CHCHD6: variants seen among roughly 807,000 people sequenced by gnomAD.
CHCHD6 encodes coiled-coil-helix-coiled-coil-helix domain containing 6, also known as MICOS complex subunit MIC25.
Under a neutral mutation model 32.3 loss-of-function variants are expected in CHCHD6, and 28 were observed. The ratio of observed to expected loss-of-function variants is 0.87; its 90% confidence interval spans 0.64 to 1.19. The LOEUF (loss-of-function observed/expected upper bound fraction) is 1.19. Ranked by LOEUF, CHCHD6 falls within the 50% of genes most tolerant of loss-of-function variation. The pLI is 0.00. For missense variants in CHCHD6, 333 were observed against 307.0 expected (o/e 1.08, Z -0.63); for synonymous variants, 122 against 117.5 (o/e 1.04, Z -0.25).
At position 126,824,560 on chromosome 3, in the gene CHCHD6, C is replaced by CAAAAAAAAAAAAAAA. The variant is rs71150454; in HGVS notation, c.412-28080_412-28066dup. ...TAGGTGATAGAGCAAGACTCTGTCTCAAAAAAAAAAAAAAAAAAAAAGTCA... is the reference window on the plus strand; with the variant it reads ...TAGGTGATAGAGCAAGACTCTGTCTCAAAAAAAAAAAAAAAAAAAAAAAAAAAAAAAAAAAAGTCA... On this transcript the variant is annotated intron_variant, in intron 4 of 7. Transcript: ENST00000290913. Among the ~76,000 whole-genome samples the CAAAAAAAAAAAAAAA allele has an allele frequency of 1.6e-3, 64 of 39,994 alleles. 13 individuals are homozygous for CAAAAAAAAAAAAAAA. The highest frequency in any genetic ancestry group is 6.2e-3 in the East Asian group (6 of 962). 26.2% of individuals were successfully genotyped at this position (39,994 alleles called of 152,430 possible).
chr3:126,845,113 C>T (rs116506709), intron 4 of CHCHD6, among the ~76,000 whole-genome samples: 1,551 of 152,270 alleles, frequency 0.01, 28 homozygotes, highest in African/African-American at 0.035. Context: ...TAATTTCATA[C>T]CATAGCAACA....
chr3:126,812,275 C>T (rs1173008807), intron 4 of CHCHD6, among the ~76,000 whole-genome samples: 1 of 146,466 alleles, frequency 6.8e-6, no homozygotes, highest in Non-Finnish European at 1.5e-5. Flanking sequence ...CCTCCCTCCC[C>T]TTCTCTCTGT....
chr3:126,801,344 G>A (rs1005617421), intron 4 of CHCHD6, among the ~76,000 whole-genome samples: 2 of 152,198 alleles, frequency 1.3e-5, no homozygotes, highest in East Asian at 3.9e-4. Context: ...CTGGAAAATC[G>A]GGTCACTCCC....
At chr3:126,927,367 C>A (rs931910575) in intron 6 of CHCHD6, among the ~76,000 whole-genome samples, 1 of 152,200 alleles carries the variant, frequency 6.6e-6, no homozygotes, top group African/African-American at 2.4e-5. Flanking sequence ...AGGAAGCTGT[C>A]TGGGGGGTGG....
In CHCHD6 at chr3:126,909,786, T is replaced by C. The variant is rs187929649; in HGVS notation, c.496-4894T>C. 1.0e-3 allele frequency among the ~76,000 whole-genome samples: 156 copies of C among 152,272 alleles called. 3 individuals carry two copies. Among genetic ancestry groups the C allele is most frequent in the Admixed American group, 8.4e-3 (128 of 15,296 alleles). On this transcript the variant is annotated intron_variant, in intron 5 of 7. Coordinates refer to ENST00000290913, the MANE Select transcript of CHCHD6 (RefSeq NM_032343.3). ...TCCCTGGTCATTGGGTGCTAATTAA[T>C]GTGTGAGAATTCGGTAGAGCGCACT...
chr3:126,899,058 G>T (rs974944689), intron 5 of CHCHD6, among the ~76,000 whole-genome samples: 1 of 152,182 alleles, frequency 6.6e-6, no homozygotes, highest in Non-Finnish European at 1.5e-5. Flanking sequence ...AGGGTCTTGG[G>T]CTAACATTAT....
chr3:126,712,921 T>A (rs1310477500), intron 1 of CHCHD6, among the ~76,000 whole-genome samples: 2 of 152,230 alleles, frequency 1.3e-5, no homozygotes, highest in Non-Finnish European at 2.9e-5. Flanking sequence ...TCTCTTCTGT[T>A]GTGAGTAGCT....
At chr3:126,732,773 C>A (rs1935868164) in intron 3 of CHCHD6, among the ~76,000 whole-genome samples, 1 of 152,126 alleles carries the variant, frequency 6.6e-6, no homozygotes, top group African/African-American at 2.4e-5. Flanking sequence ...TGGATTGAGC[C>A]CCTCCCTGAG....
At chr3:126,942,491 TTA>T (rs1246133570) in intron 6 of CHCHD6, among the ~76,000 whole-genome samples, 1 of 152,196 alleles carries the variant, frequency 6.6e-6, no homozygotes, top group Non-Finnish European at 1.5e-5. Context: ...ATTTATTTGG[TTA>T]TGTTAGTAAG....
rs144356410 is a variant in CHCHD6 at position 126,839,782 on chromosome 3, T to C, written c.412-12865T>C. Among the ~76,000 whole-genome samples, 11 of 152,338 alleles carry C rather than the reference T, an allele frequency of 7.2e-5. No individual in the cohort carries two copies. In the East Asian group the frequency reaches 2.1e-3, roughly 29 times the overall value. ...ATAATTCGTTTCTTTGGTAATCTTA[T>C]GTATTTTTAACATCTTTATTGAGAT... is the stretch of plus-strand genomic sequence containing the variant. On this transcript the variant is annotated intron_variant, in intron 4 of 7. Transcript: ENST00000290913.
intron 4 of CHCHD6, among the ~76,000 whole-genome samples, chr3:126,815,608 T>TAAG: frequency 6.6e-6 from 1 of 151,556 alleles, no homozygotes; most frequent in East Asian, 2.0e-4. Flanking sequence ...GCTACTCTTC[T>TAAG]AGTCTAGCCC....
intron 5 of CHCHD6, among the ~76,000 whole-genome samples, chr3:126,869,838 A>G (rs2077441307): frequency 2.0e-5 from 3 of 152,174 alleles, no homozygotes; most frequent in Non-Finnish European, 4.4e-5. Flanking sequence ...AATTTGATGG[A>G]CAAAAAATTG....
intron 5 of CHCHD6, among the ~76,000 whole-genome samples, chr3:126,860,684 A>G (rs1941830148): frequency 6.6e-6 from 1 of 152,164 alleles, no homozygotes; most frequent in South Asian, 2.1e-4. Context: ...TAGTAATGGT[A>G]CCACCATGAA....
intron 5 of CHCHD6, among the ~76,000 whole-genome samples, chr3:126,859,538 A>G (rs550044130): frequency 4.6e-5 from 7 of 152,376 alleles, no homozygotes; most frequent in African/African-American, 7.2e-5. Flanking sequence ...TCTGTGTCCT[A>G]CAGAATGACA....
At chr3:126,772,687 C>T (rs898120490) in intron 4 of CHCHD6, among the ~76,000 whole-genome samples, 1 of 152,162 alleles carries the variant, frequency 6.6e-6, no homozygotes, top group African/African-American at 2.4e-5. Context: ...CTTTATCCAG[C>T]TTGCCACTCT....
chr3:126,770,365 T>C (rs1384751324), intron 4 of CHCHD6, among the ~76,000 whole-genome samples: 3 of 152,242 alleles, frequency 2.0e-5, no homozygotes, highest in Non-Finnish European at 1.5e-5. Flanking sequence ...TCCAATAATA[T>C]GTTGAATAGA....
chr3:126,915,371 A>T (rs1440292670), intron 6 of CHCHD6, among the ~76,000 whole-genome samples: 1 of 152,206 alleles, frequency 6.6e-6, no homozygotes, highest in Non-Finnish European at 1.5e-5. Flanking sequence ...GGAGGTGCTC[A>T]CAGTGTGCCC....
chr3:126,740,203 T>C (rs912938081), intron 4 of CHCHD6, among the ~76,000 whole-genome samples: 3 of 152,188 alleles, frequency 2.0e-5, no homozygotes, highest in African/African-American at 7.2e-5. Flanking sequence ...TTATAGGCCC[T>C]ACTTGTCTGT....
chr3:126,797,148 A>G (rs1022779344), intron 4 of CHCHD6, among the ~76,000 whole-genome samples: 11 of 151,976 alleles, frequency 7.2e-5, no homozygotes, highest in Admixed American at 2.6e-4. Flanking sequence ...TGTGCAGGAG[A>G]GGGGCTGTCT....
Sources: allele counts gnomAD v4.1 joint callset (sites outside exome capture counted in the v4.1 genomes callset), GRCh38; gene constraint gnomAD v4.1.1; transcripts MANE v1.5; gene names NCBI Gene and HGNC (gene_info 2026-07-23, HGNC 2026-07-21).